The following ICE1 variants were observed in gnomAD, a reference collection of about 807,000 sequenced individuals.
The protein encoded by ICE1 is interactor of little elongation complex ELL subunit 1.
Under a neutral mutation model 192.7 loss-of-function variants are expected in ICE1, and 64 were observed. That is an observed-to-expected ratio of 0.33 (90% CI 0.27 to 0.41). The LOEUF is 0.41. Ranked by LOEUF, ICE1 falls within the 10% of genes least tolerant of loss-of-function variation. The pLI, the probability that ICE1 is intolerant of heterozygous loss-of-function variation, is 1.00. For missense variants in ICE1, 2,708 were observed against 2,696.0 expected (o/e 1.00, Z -0.10); for synonymous variants, 1,010 against 984.5 (o/e 1.03, Z -0.49).
At chr5:5,460,046 A>T (rs910458499) in intron 12 of ICE1, among the ~76,000 whole-genome samples, 1 of 152,130 alleles carries the variant, frequency 6.6e-6, no homozygotes, top group Non-Finnish European at 1.5e-5. Context: ...AGAGAGAGGA[A>T]ATAGAGGGCC....
intron 15 of ICE1, among the ~76,000 whole-genome samples, chr5:5,471,011 C>CA (rs1739142708): frequency 6.6e-6 from 1 of 151,962 alleles, no homozygotes; most frequent in African/African-American, 2.4e-5. Context: ...AGAAATATGA[C>CA]AAGGGAACCA....
At position 5,473,753 on chromosome 5, in the gene ICE1, G is replaced by C. The variant is rs2306349; in HGVS notation, c.6413+5G>C. 57,731 of 1,551,968 alleles carry C rather than the reference G, an allele frequency of 0.037. 4,654 individuals are homozygous for C. The highest frequency in any genetic ancestry group is 0.35 in the East Asian group (15,131 of 43,078). ...GACGCATGATAACATCATAAGGTTAGTTATTTTACTAATTTAAATAAAGAT... is the reference window on the plus strand; with the variant it reads ...GACGCATGATAACATCATAAGGTTACTTATTTTACTAATTTAAATAAAGAT... On this transcript the variant is annotated splice_donor_5th_base_variant and intron_variant, in intron 16 of 18. Transcript: ENST00000296564.
intron 17 of ICE1, among the ~76,000 whole-genome samples, chr5:5,485,148 C>G (rs1371071240): frequency 6.6e-6 from 1 of 151,984 alleles, no homozygotes; most frequent in African/African-American, 2.4e-5. Context: ...ATTGAGAACC[C>G]TCAAAGAACT....
intron 2 of ICE1, among the ~76,000 whole-genome samples, 177 bp from the exon 3 acceptor site, chr5:5,436,903 G>A (rs3098377): frequency 0.45 from 68,151 of 151,914 alleles, 16,188 homozygotes; most frequent in East Asian, 0.63. Context: ...TAAAAGGCTT[G>A]TATATCAACG....
Position 5,484,358 on chromosome 5 carries a change from C to T in ICE1, c.6521-2363C>T, listed in dbSNP as rs189327752. 2.0e-5 allele frequency among the ~76,000 whole-genome samples: 3 copies of T among 152,282 alleles called. No individual in the cohort carries two copies. In the East Asian group the frequency reaches 5.8e-4, roughly 29 times the overall value. The stretch of plus-strand genomic sequence containing the variant: ...ATTTCCTGGGAACGCATGCACATCC[C>T]ATGATTGAGTAATACCATAGCTGTG... On this transcript the variant is annotated intron_variant, in intron 17 of 18. Coordinates refer to ENST00000296564, the MANE Select transcript of ICE1 (RefSeq NM_015325.3).
At chr5:5,474,316 ATC>A (rs1460885420) in intron 16 of ICE1, among the ~76,000 whole-genome samples, 1 of 151,606 alleles carries the variant, frequency 6.6e-6, no homozygotes, top group Admixed American at 6.6e-5. Flanking sequence ...TGCTATTGTC[ATC>A]TCTCTCCCCA....
intron 8 of ICE1, 42 bp downstream of exon 8, chr5:5,447,551 C>A: frequency 1.4e-6 from 2 of 1,460,990 alleles, no homozygotes; most frequent in Non-Finnish European, 1.9e-6. Context: ...AAATACGTGG[C>A]TCCAGGGTCT....
At chr5:5,436,528 G>T (rs999734044) in intron 2 of ICE1, 52 bp downstream of exon 2, 2 of 1,112,870 alleles carry the variant, frequency 1.8e-6, no homozygotes, top group Non-Finnish European at 2.5e-6. Flanking sequence ...TGACAAACTG[G>T]CTGAAGCAGG....
At position 5,447,827 on chromosome 5, in the gene ICE1, C is replaced by T. The variant is rs774191734; in HGVS notation, c.548-14C>T. The stretch of plus-strand genomic sequence containing the variant: ...TGTAGTATTTTATTAACCGTTTTTT[C>T]CCCATGCTTTTAGAGTTGAGACATA... On this transcript the variant is annotated splice_polypyrimidine_tract_variant and intron_variant, in intron 9 of 18. Transcript: ENST00000296564. The T allele has an allele frequency of 8.3e-6, 13 of 1,574,916 alleles. No individual in the cohort carries two copies. In the East Asian group the frequency reaches 2.8e-4, roughly 33 times the overall value.
intron 14 of ICE1, among the ~76,000 whole-genome samples, chr5:5,468,518 A>G (rs1366432286): frequency 6.6e-6 from 1 of 152,282 alleles, no homozygotes; most frequent in African/African-American, 2.4e-5. Context: ...TATGTGTTCA[A>G]TGAGTAAATG....
In ICE1 at chr5:5,443,296, C is replaced by T. The variant is rs560078712; in HGVS notation, c.386+52C>T. On this transcript the variant is annotated intron_variant, in intron 6 of 18. Coordinates refer to ENST00000296564, the MANE Select transcript of ICE1 (RefSeq NM_015325.3). ...AATACGGTTTTCAGTTTTGAAAATACGTAATTCTTAAGTCGGTAGTGTTTT... is the reference window on the plus strand; with the variant it reads ...AATACGGTTTTCAGTTTTGAAAATATGTAATTCTTAAGTCGGTAGTGTTTT... The T allele has an allele frequency of 7.6e-5, 74 of 971,734 alleles. 1 individual carries two copies. The South Asian group carries it at 1.0e-3, about 14-fold the overall frequency. 60.2% of individuals were successfully genotyped at this position (971,734 alleles called of 1,614,324 possible).
Position 5,466,337 on chromosome 5 carries a change from T to A in ICE1, c.5896T>A (p.Leu1966Ile), listed in dbSNP as rs550046361. 1 of 1,600,816 alleles carries A rather than the reference T, an allele frequency of 6.2e-7. No individual in the cohort carries two copies. Among genetic ancestry groups the A allele is most frequent in the East Asian group, 2.2e-5 (1 of 44,494 alleles). Residue 1966 changes from leucine to isoleucine, a missense_variant, in exon 14 of 19, where the codon TTA (leucine) becomes ATA (isoleucine). This residue lies in a region of ICE1 where 342 missense variants were observed against 419.3 expected (regional missense o/e 0.82). Coordinates refer to ENST00000296564, the MANE Select transcript of ICE1 (RefSeq NM_015325.3). ...TTTAATTTTTTTTTCAATCCAGCAT[T>A]TAGCAGAGTGCTTGCTTCACTCTAT... The part of the protein sequence containing the change: ...VYEFSTTKKH[L>I]AECLLHSILS...
intron 14 of ICE1, 105 bp downstream of exon 14, chr5:5,466,607 T>C (rs961129896): frequency 6.1e-6 from 6 of 989,138 alleles, no homozygotes; most frequent in Middle Eastern, 4.9e-4. Context: ...TCTTTTAAAA[T>C]AATGTTATGT....
At position 5,476,080 on chromosome 5, in the gene ICE1, G is replaced by C; in HGVS notation, c.6520+1G>C. On this transcript the variant is annotated splice_donor_variant, in intron 17 of 18. Coordinates refer to ENST00000296564, the MANE Select transcript of ICE1 (RefSeq NM_015325.3). LOFTEE classifies it high-confidence loss of function. ...ATAGCCTCAATACTGAGGCTGATTG[G>C]TAAGTTGTCTGTTTTATTATTGTTT... The C allele has an allele frequency of 6.6e-7, 1 of 1,521,088 alleles. No homozygotes were observed. The highest frequency in any genetic ancestry group is 2.3e-5 in the East Asian group (1 of 42,774). 94.2% of individuals were successfully genotyped at this position (1,521,088 alleles called of 1,614,324 possible). A position where few individuals can be genotyped will look rare whatever the true frequency, so the allele number is the denominator to read the frequency against.
intron 7 of ICE1, among the ~76,000 whole-genome samples, chr5:5,445,280 T>C (rs1738180424): frequency 6.6e-6 from 1 of 152,214 alleles, no homozygotes; most frequent in Admixed American, 6.5e-5. Context: ...CAATTTTTCC[T>C]CTGGTTTGAT....
chr5:5,464,009 T>G lies in ICE1; in HGVS notation c.4675T>G (p.Ser1559Ala), dbSNP rs1187596857. 4.3e-6 allele frequency: 7 copies of G among 1,613,592 alleles called. No individual in the cohort carries two copies. The highest frequency in any genetic ancestry group is 5.9e-6 in the Non-Finnish European group (7 of 1,179,840). ...SGKNKNRSKISNKDQSNKPVK... is the reference protein window; with the variant it reads ...SGKNKNRSKIANKDQSNKPVK... ...CAAAAATAAGAATCGATCAAAGATT[T>G]CAAACAAAGATCAGTCAAACAAACC... Residue 1559 changes from serine to alanine, a missense_variant, in exon 13 of 19, where the codon TCA (serine) becomes GCA (alanine). Around this residue, in one of 2 missense-constraint regions of ICE1, gnomAD observed 2,366 missense variants for 2,276.6 expected, o/e 1.04. Transcript: ENST00000296564. The surrounding 1 kb of genome is among the most constrained non-coding windows in gnomAD (Gnocchi z 4.0).
chr5:5,468,797 AAG>A, intron 14 of ICE1, 29 bp from the exon 15 acceptor site: 1 of 1,348,110 alleles, frequency 7.4e-7, no homozygotes, highest in African/African-American at 1.5e-5. Context: ...TCATACATCA[AAG>A]AGTTATTGTA....
At chr5:5,476,148 CTG>C (rs1431485270) in intron 17 of ICE1, 69 bp downstream of exon 17, 3 of 810,086 alleles carry the variant, frequency 3.7e-6, no homozygotes, top group Admixed American at 6.9e-5. Context: ...GGGGGGTTAA[CTG>C]TATAATAAAA....
intron 11 of ICE1, among the ~76,000 whole-genome samples, chr5:5,456,635 CT>C (rs1485424901): frequency 6.6e-6 from 1 of 151,996 alleles, no homozygotes; most frequent in Admixed American, 6.5e-5. Context: ...TCCATCTCTG[CT>C]TGGATTTTCG....
Sources: gnomAD v4.1 joint callset for allele counts (sites outside exome capture counted in the v4.1 genomes callset) on GRCh38, gnomAD v4.1.1 for gene constraint, gnomAD v4.1.1 regional missense constraint, Gnocchi (gnomAD v3.1) non-coding constraint, MANE v1.5 for transcripts, NCBI Gene and HGNC (gene_info 2026-07-23, HGNC 2026-07-21) for gene names.